DDX10: variants seen among roughly 807,000 people sequenced by gnomAD.
DDX10 encodes probable ATP-dependent RNA helicase DDX10.
DDX10 carries 74 observed loss-of-function variants against 104.3 expected under a neutral mutation model. That is an observed-to-expected ratio of 0.71 (90% CI 0.59 to 0.86). DDX10 has a LOEUF of 0.86. DDX10 is among the 40% of genes least tolerant of loss of function. The pLI is 0.00. For synonymous variants in DDX10, 351 were observed against 353.4 expected (o/e 0.99, Z 0.08); for missense variants, 952 against 1,040.0 (o/e 0.92, Z 1.16).
chr11:108,772,854 T>C (rs1054782325), intron 13 of DDX10, among the ~76,000 whole-genome samples: 1 of 152,108 alleles, frequency 6.6e-6, no homozygotes, highest in Admixed American at 6.5e-5. Flanking sequence ...AGTGGAAAAA[T>C]TGTCTTCCAC....
At chr11:108,751,483 A>G (rs1336421561) in intron 13 of DDX10, among the ~76,000 whole-genome samples, 1 of 152,104 alleles carries the variant, frequency 6.6e-6, no homozygotes, top group African/African-American at 2.4e-5. Context: ...TTAATATATT[A>G]TGAAAGTCAA....
chr11:108,697,923 A>G (rs2094262188), intron 9 of DDX10, among the ~76,000 whole-genome samples: 1 of 152,192 alleles, frequency 6.6e-6, no homozygotes, highest in African/African-American at 2.4e-5. Flanking sequence ...GCATTTATAT[A>G]TAACTATTTT....
intron 15 of DDX10, among the ~76,000 whole-genome samples, chr11:108,843,526 G>A (rs1862670305): frequency 6.6e-6 from 1 of 151,896 alleles, no homozygotes; most frequent in Admixed American, 6.6e-5. Context: ...TTGGGAGGCT[G>A]AGGTGAGTGG....
chr11:108,916,674 C>T (rs1863754841), intron 16 of DDX10, among the ~76,000 whole-genome samples: 1 of 152,078 alleles, frequency 6.6e-6, no homozygotes. Context: ...CTGAAAGAAA[C>T]TGAAATTTTT....
chr11:108,723,492 A>G, intron 13 of DDX10, 30 bp downstream of exon 13: 3 of 1,583,618 alleles, frequency 1.9e-6, no homozygotes, highest in Non-Finnish European at 1.7e-6. Context: ...AGGGTCTTCT[A>G]TTACATTGTC....
At chr11:108,870,294 A>C (rs775661472) in intron 16 of DDX10, among the ~76,000 whole-genome samples, 7 of 151,770 alleles carry the variant, frequency 4.6e-5, no homozygotes, top group Non-Finnish European at 8.8e-5. Flanking sequence ...TTATCCTCCC[A>C]CTCTTCTATC....
intron 13 of DDX10, among the ~76,000 whole-genome samples, chr11:108,807,935 A>G (rs190774126): frequency 1.5e-4 from 23 of 152,326 alleles, no homozygotes; most frequent in African/African-American, 5.1e-4. Flanking sequence ...TAAATTAGAA[A>G]AGTGTCACGT....
At chr11:108,809,223 G>A (rs971469532) in intron 13 of DDX10, among the ~76,000 whole-genome samples, 1 of 152,110 alleles carries the variant, frequency 6.6e-6, no homozygotes, top group African/African-American at 2.4e-5. Context: ...AGAGTAGTGG[G>A]GATCAGAAAC....
At chr11:108,863,770 T>C (rs1250881697) in intron 16 of DDX10, among the ~76,000 whole-genome samples, 1 of 152,044 alleles carries the variant, frequency 6.6e-6, no homozygotes, top group Non-Finnish European at 1.5e-5. Context: ...GAACAGAAAG[T>C]GAGAGAAGAA....
At chr11:108,881,145 G>C (rs1863222753) in intron 16 of DDX10, among the ~76,000 whole-genome samples, 1 of 152,134 alleles carries the variant, frequency 6.6e-6, no homozygotes, top group Non-Finnish European at 1.5e-5. Flanking sequence ...AAAGGATTCA[G>C]TATTTTATCC....
At chr11:108,835,958 C>G (rs560076146) in intron 13 of DDX10, among the ~76,000 whole-genome samples, 6 of 152,192 alleles carry the variant, frequency 3.9e-5, no homozygotes, top group Non-Finnish European at 7.4e-5. Flanking sequence ...ATTGGCCTTA[C>G]GGTCCCCGCC....
At chr11:108,695,438 C>G (rs535332660) in intron 9 of DDX10, among the ~76,000 whole-genome samples, 1 of 152,160 alleles carries the variant, frequency 6.6e-6, no homozygotes, top group Non-Finnish European at 1.5e-5. Context: ...TCTTTAGGCC[C>G]GAGCACAGAC....
intron 9 of DDX10, among the ~76,000 whole-genome samples, chr11:108,706,348 G>T (rs2134461295): frequency 6.7e-6 from 1 of 149,152 alleles, no homozygotes; most frequent in African/African-American, 2.4e-5. Context: ...CCAGGAAGAG[G>T]AATTGATTTT....
At chr11:108,713,757 C>T (rs1399311531) in intron 10 of DDX10, among the ~76,000 whole-genome samples, 1 of 152,108 alleles carries the variant, frequency 6.6e-6, no homozygotes, top group Non-Finnish European at 1.5e-5. Flanking sequence ...AAAAGAATTG[C>T]TGTAAATAGG....
intron 17 of DDX10, among the ~76,000 whole-genome samples, chr11:108,928,926 C>T (rs1863942192): frequency 6.6e-6 from 1 of 152,220 alleles, no homozygotes; most frequent in Admixed American, 6.5e-5. Flanking sequence ...CCAGGTAGCA[C>T]TAGGCCCTAT....
intron 17 of DDX10, among the ~76,000 whole-genome samples, chr11:108,923,310 A>T (rs1283097212): frequency 1.3e-5 from 2 of 152,210 alleles, no homozygotes; most frequent in Non-Finnish European, 2.9e-5. Flanking sequence ...GACCTCAGAT[A>T]CTGTAATTGC....
At chr11:108,896,878 T>C (rs912834926) in intron 16 of DDX10, among the ~76,000 whole-genome samples, 3 of 151,072 alleles carry the variant, frequency 2.0e-5, no homozygotes, top group South Asian at 2.1e-4. Context: ...GGAAAAAAAA[T>C]CCCTGTAGAG....
chr11:108,819,680 C>T (rs959397692), intron 13 of DDX10, among the ~76,000 whole-genome samples: 1 of 152,010 alleles, frequency 6.6e-6, no homozygotes, highest in Non-Finnish European at 1.5e-5. Context: ...CTCACTATAA[C>T]CTCCGCCTCC....
At chr11:108,729,571 T>C (rs2094309522) in intron 13 of DDX10, among the ~76,000 whole-genome samples, 1 of 151,836 alleles carries the variant, frequency 6.6e-6, no homozygotes, top group South Asian at 2.1e-4. Flanking sequence ...ACAAAAGAAA[T>C]TGTTGCAGGC....
Sources: allele counts gnomAD v4.1 joint callset (sites outside exome capture counted in the v4.1 genomes callset), GRCh38; gene constraint gnomAD v4.1.1; transcripts MANE v1.5; gene names NCBI Gene and HGNC (gene_info 2026-07-23, HGNC 2026-07-21).